Variants in MARK2 observed in about 807,000 individuals in gnomAD.
MARK2 encodes serine/threonine-protein kinase MARK2.
A neutral mutation model predicts 89.8 loss-of-function variants in MARK2; 16 were observed. The ratio of observed to expected loss-of-function variants is 0.18; its 90% CI spans 0.12 to 0.27. The LOEUF (loss-of-function observed/expected upper bound fraction) is 0.27. Ranked by LOEUF, MARK2 falls within the 10% of genes least tolerant of loss-of-function variation. The pLI is 1.00. For synonymous variants in MARK2, 382 were observed against 399.5 expected (o/e 0.96, Z 0.52); for missense variants, 621 against 1,049.9 (o/e 0.59, Z 5.65).
intron 1 of MARK2, among the ~76,000 whole-genome samples, chr11:63,885,375 CA>C (rs1411425441): frequency 2.0e-5 from 3 of 151,378 alleles, no homozygotes; most frequent in African/African-American, 7.3e-5. Context: ...CCTATCTCTA[CA>C]AAAAATACAA....
intron 1 of MARK2, among the ~76,000 whole-genome samples, chr11:63,881,253 C>T (rs780502543): frequency 3.3e-5 from 5 of 151,854 alleles, no homozygotes; most frequent in East Asian, 1.9e-4. Flanking sequence ...TGCAGTCAGC[C>T]GAGATCACGC....
chr11:63,890,218 C>A (rs1332934717), intron 1 of MARK2: 2 of 1,342,800 alleles, frequency 1.5e-6, no homozygotes, highest in Admixed American at 3.9e-5. Context: ...CTGCTTCCTT[C>A]CAGTGGCTTG....
chr11:63,904,266 G>T lies in MARK2; in HGVS notation c.1676+119G>T, dbSNP rs928498732. 4.6e-5 allele frequency: 41 copies of T among 893,896 alleles called. 1 individual carries two copies. The South Asian group carries it at 7.2e-4, about 16-fold the overall frequency. The allele number at this position is 893,896 out of a possible 1,614,324, so 55.4% of individuals were successfully genotyped here. On this transcript the variant is annotated intron_variant, in intron 15 of 18. Coordinates refer to ENST00000402010, the MANE Select transcript of MARK2 (RefSeq NM_001039469.3). The surrounding 1 kb of genome is among the most constrained non-coding windows in gnomAD (Gnocchi z 6.3). ...TGTGTTCTTGTCATCTTAGCCACAA[G>T]AAATGGGTCTGTCCCCTGCGGCCAG...
In MARK2 at chr11:63,908,296, G is replaced by C; in HGVS notation, c.1998G>C (p.Glu666Asp). The C allele has an allele frequency of 6.4e-7, 1 of 1,563,460 alleles. No homozygotes were observed. ...AACCTGAAAGCAAAGACCGAGTGGA[G>C]ACGCTCAGGTGAGAGGGCTGGAGCC... ...LNEPESKDRV[E>D]TLRPHVVGSG... Residue 666 changes from glutamate to aspartate, a missense_variant, in exon 18 of 19, where the codon GAG becomes GAC. This residue lies in a region of MARK2 where 397 missense variants were observed against 567.8 expected (regional missense o/e 0.70). Coordinates refer to ENST00000402010, the MANE Select transcript of MARK2 (RefSeq NM_001039469.3).
In MARK2 at chr11:63,900,731, T is replaced by C. The variant is rs761266530; in HGVS notation, c.889-49T>C. ...GGGCCTGGGGTCCCCACAGAAACTT[T>C]CCAGCTGAGTTTCTTCCCCCTGCCC... is the stretch of plus-strand genomic sequence containing the variant. On this transcript the variant is annotated intron_variant, in intron 9 of 18. Coordinates refer to ENST00000402010, the MANE Select transcript of MARK2 (RefSeq NM_001039469.3). This position sits in a 1 kb window ranked among gnomAD's most constrained non-coding sequence, Gnocchi z 4.7. The C allele has an allele frequency of 1.9e-6, 3 of 1,613,710 alleles. No homozygotes were observed. The highest frequency in any genetic ancestry group is 1.7e-6 in the Non-Finnish European group (2 of 1,179,594).
intron 1 of MARK2, among the ~76,000 whole-genome samples, chr11:63,867,022 G>A (rs994794203): frequency 4.6e-5 from 7 of 152,092 alleles, no homozygotes; most frequent in Non-Finnish European, 1.0e-4. Context: ...ATGGATAAGG[G>A]TACAGTTGTT....
In MARK2 at chr11:63,909,261, CG is replaced by C. The variant is rs1565153988; in HGVS notation, c.*29del. ...AACAGGCTGCCAGGAGCGGGGGCGG[CG>C]GGGGCGGGCCAGCTGGACGGGCTGC... On this transcript the variant is annotated 3_prime_UTR_variant, in exon 19 of 19. Coordinates refer to ENST00000402010, the MANE Select transcript of MARK2 (RefSeq NM_001039469.3). 3.2e-6 allele frequency: 5 copies of C among 1,554,788 alleles called. No homozygotes were observed. Among genetic ancestry groups the C allele is most frequent in the African/African-American group, 2.7e-5 (2 of 73,470 alleles).
At chr11:63,866,351 C>CAAAA (rs57664174) in intron 1 of MARK2, among the ~76,000 whole-genome samples, 5 of 86,098 alleles carry the variant, frequency 5.8e-5, no homozygotes, top group Admixed American at 1.4e-4. Flanking sequence ...GACTCAGTCT[C>CAAAA]AAAAAAAAAA....
At chr11:63,893,233 C>T (rs1940059400) in intron 1 of MARK2, among the ~76,000 whole-genome samples, 1 of 149,382 alleles carries the variant, frequency 6.7e-6, no homozygotes, top group South Asian at 2.1e-4. Context: ...TGCCCAGGCT[C>T]GTCTCAAGCT....
chr11:63,886,932 T>C (rs1218340901), intron 1 of MARK2, among the ~76,000 whole-genome samples: 1 of 152,242 alleles, frequency 6.6e-6, no homozygotes, highest in Non-Finnish European at 1.5e-5. Flanking sequence ...TGGTTCTCAG[T>C]CTACCAGTGA....
At chr11:63,894,557 G>GT (rs1387124896) in intron 1 of MARK2, among the ~76,000 whole-genome samples, 1 of 152,134 alleles carries the variant, frequency 6.6e-6, no homozygotes, top group Non-Finnish European at 1.5e-5. Flanking sequence ...TTAGCCAGGC[G>GT]TGGTGGCGCA....
At chr11:63,867,178 C>T (rs1591008719) in intron 1 of MARK2, among the ~76,000 whole-genome samples, 1 of 152,174 alleles carries the variant, frequency 6.6e-6, no homozygotes, top group Non-Finnish European at 1.5e-5. Context: ...AGTCATGTGC[C>T]ACAACACCCA....
At position 63,909,145 on chromosome 11, in the gene MARK2, T is replaced by G. The variant is rs746090017; in HGVS notation, c.2275T>G (p.Ser759Ala). Residue 759 changes from serine to alanine, a missense_variant, in exon 19 of 19, where the codon TCT becomes GCT. This residue lies in a region of MARK2 where 33 missense variants were observed against 74.5 expected (regional missense o/e 0.44). Transcript: ENST00000402010. ...EMEVCKLPRL[S>A]LNGVRFKRIS... is the part of the protein sequence containing the mutation. ...GGAGGTGTGCAAACTGCCGCGGCTC[T>G]CTCTCAACGGGGTTCGATTTAAGCG... 10 of 1,613,984 alleles carry G rather than the reference T, an allele frequency of 6.2e-6. No individual in the cohort carries two copies. Among genetic ancestry groups the G allele is most frequent in the South Asian group, 1.1e-5 (1 of 91,090 alleles).
In MARK2 at chr11:63,903,948, C is replaced by T. The variant is rs543130295; in HGVS notation, c.1515-38C>T. On this transcript the variant is annotated intron_variant, in intron 14 of 18. Coordinates refer to ENST00000402010, the MANE Select transcript of MARK2 (RefSeq NM_001039469.3). This position sits in a 1 kb window ranked among gnomAD's most constrained non-coding sequence, Gnocchi z 5.1. ...AATCCAGGCCTCCCGCCCTCACTCA[C>T]CCCTAACACGGGCCTCTCCGCTGCT... 3.2e-6 allele frequency: 5 copies of T among 1,568,238 alleles called. No homozygotes were observed. The highest frequency in any genetic ancestry group is 1.7e-4 in the Middle Eastern group (1 of 5,910).
chr11:63,867,540 TTTTCCAACTTCA>T, intron 1 of MARK2, among the ~76,000 whole-genome samples: 1 of 152,220 alleles, frequency 6.6e-6, no homozygotes, highest in African/African-American at 2.4e-5. Context: ...GTAAGGGGCT[TTTTCCAACTTCA>T]TTTCCATTAC....
At chr11:63,890,869 C>T (rs1397848557) in intron 1 of MARK2, among the ~76,000 whole-genome samples, 1 of 152,172 alleles carries the variant, frequency 6.6e-6, no homozygotes, top group African/African-American at 2.4e-5. Context: ...GAAATTAAAG[C>T]TTGTACGTGG....
intron 1 of MARK2, among the ~76,000 whole-genome samples, chr11:63,841,105 T>A (rs1036404259): frequency 5.3e-5 from 8 of 152,344 alleles, no homozygotes; most frequent in Non-Finnish European, 1.0e-4. Context: ...TTTTGCCTTC[T>A]TTCCCCTCCT....
chr11:63,877,318 C>T (rs1938827801), intron 1 of MARK2, among the ~76,000 whole-genome samples: 1 of 151,784 alleles, frequency 6.6e-6, no homozygotes, highest in Non-Finnish European at 1.5e-5. Context: ...ATCATGTTGG[C>T]CAGTCTGGTC....
At chr11:63,873,669 G>A (rs758576515) in intron 1 of MARK2, among the ~76,000 whole-genome samples, 21 of 152,040 alleles carry the variant, frequency 1.4e-4, no homozygotes, top group African/African-American at 4.6e-4. Context: ...TTTCTGAGAC[G>A]GAGTCTTGCT....
Sources: gnomAD v4.1 joint callset for allele counts (sites outside exome capture counted in the v4.1 genomes callset) on GRCh38, gnomAD v4.1.1 for gene constraint, gnomAD v4.1.1 regional missense constraint, Gnocchi (gnomAD v3.1) non-coding constraint, MANE v1.5 for transcripts, NCBI Gene and HGNC (gene_info 2026-07-23, HGNC 2026-07-21) for gene names.